The following PSG11 variants were observed in gnomAD, a reference collection of about 807,000 sequenced individuals.
The protein encoded by PSG11 is pregnancy specific beta-1-glycoprotein 11, also known as pregnancy-specific beta-1-glycoprotein 11.
Under a neutral mutation model 36.0 loss-of-function variants are expected in PSG11, and 42 were observed. The ratio of observed to expected loss-of-function variants is 1.17; its 90% CI spans 0.91 to 1.51. PSG11 has a LOEUF of 1.51. Among genes scored for constraint, PSG11 ranks in the 40% most tolerant of loss-of-function variants. The pLI is 0.00. For missense variants in PSG11, 558 were observed against 403.5 expected, an observed-to-expected ratio of 1.38 and a Z score of -3.28; for synonymous variants, 206 against 153.5, an observed-to-expected ratio of 1.34 and a Z score of -2.53.
At chr19:43,019,484 G>C (rs1967051895) in intron 2 of PSG11, 1 of 192,430 alleles carries the variant, frequency 5.2e-6, no homozygotes, top group Non-Finnish European at 1.1e-5. Flanking sequence ...ACATCCTAGA[G>C]ATGGATGATG....
chr19:43,009,253 T>C (rs1041191022), intron 5 of PSG11, among the ~76,000 whole-genome samples: 34 of 151,318 alleles, frequency 2.2e-4, no homozygotes, highest in Admixed American at 2.0e-4. Flanking sequence ...CTAAAGTCTT[T>C]GTTCTCCACG....
intron 1 of PSG11, among the ~76,000 whole-genome samples, chr19:43,025,964 T>C (rs1185216841): frequency 4.8e-5 from 6 of 125,330 alleles, no homozygotes; most frequent in Admixed American, 2.6e-4. Context: ...TTTTTTGAGA[T>C]GGAGTCTCGT....
rs1012628126 is a variant in PSG11, at chr19:43,009,501, G to A, written c.*40+457C>T. On this transcript the variant is annotated intron_variant, in intron 5 of 5. Transcript: ENST00000320078. ...AGAAGAAATGTGAACTTATCAAATA[G>A]GCTAGTGTATACCCCTGGAGATTCT... is the stretch of plus-strand genomic sequence containing the variant. Among the ~76,000 whole-genome samples, 2 of 151,198 alleles carry A rather than the reference G, an allele frequency of 1.3e-5. 1 individual carries two copies. The highest frequency in any genetic ancestry group is 4.9e-5 in the African/African-American group (2 of 40,958).
In PSG11 at chr19:43,019,001, C is replaced by A. The variant is rs1796657676; in HGVS notation, c.478G>T (p.Glu160Ter). The change falls in exon 3 of 6, where the codon GAG becomes TAG. Residue 160 changes from glutamate (E) to a stop codon, truncating the protein, a stop_gained. Coordinates refer to ENST00000320078, the MANE Select transcript of PSG11 (RefSeq NM_002785.3). LOFTEE classifies it high-confidence loss of function. ...GTTAAGATCACAGTCTCCATGGCCTCCCTGGGGTTTAAGTTGCTGCTGGAG... is the reference window on the plus strand; with the variant it reads ...GTTAAGATCACAGTCTCCATGGCCTACCTGGGGTTTAAGTTGCTGCTGGAG... ...SISSSNLNPR[E>*]AMETVILTCN... is the part of the protein sequence containing the mutation. 2 of 1,612,032 alleles carry A rather than the reference C, an allele frequency of 1.2e-6. No individual in the cohort carries two copies. Among genetic ancestry groups the A allele is most frequent in the African/African-American group, 2.7e-5 (2 of 74,468 alleles).
intron 2 of PSG11, among the ~76,000 whole-genome samples, chr19:43,021,612 C>T (rs576479828): frequency 6.6e-6 from 1 of 151,542 alleles, no homozygotes; most frequent in East Asian, 1.9e-4. Flanking sequence ...TCCCAAAGTG[C>T]TGCGATTATA....
intron 5 of PSG11, among the ~76,000 whole-genome samples, chr19:43,009,420 G>A (rs1387974877): frequency 2.0e-5 from 3 of 151,342 alleles, no homozygotes; most frequent in Admixed American, 6.6e-5. Flanking sequence ...TTCTAATTAG[G>A]ATGGAGGAAT....
rs772315428 is a variant in PSG11 at position 43,018,936 on chromosome 19, C to A, written c.543G>T (p.Trp181Cys). 3.1e-6 allele frequency: 5 copies of A among 1,612,040 alleles called. No homozygotes were observed. Among genetic ancestry groups the A allele is most frequent in the Non-Finnish European group, 4.2e-6 (5 of 1,179,152 alleles). Residue 181 changes from tryptophan to cysteine, a missense_variant, in exon 3 of 6, where the codon TGG becomes TGT. Trp to Cys is a radical substitution (Grantham distance 215). Transcript: ENST00000320078. ...PETPDASYLW[W>C]MNGQSLPMTH... The stretch of plus-strand genomic sequence containing the variant: ...TCATAGGGAGGCTCTGACCATTCAT[C>A]CACCACAGGTAGCTTGCGTCCGGAG...
intron 3 of PSG11, chr19:43,015,698 C>G (rs1016280385): frequency 2.5e-6 from 4 of 1,588,726 alleles, no homozygotes; most frequent in East Asian, 2.2e-5. Flanking sequence ...CGGAGAGAGA[C>G]TGAGAGGCCT....
intron 4 of PSG11, chr19:43,010,816 G>A (rs766640845): frequency 6.7e-6 from 1 of 150,132 alleles, no homozygotes; most frequent in African/African-American, 2.5e-5. Context: ...ATTCTTTGCA[G>A]TTAGCTCTTT....
At chr19:43,011,807 C>A (rs949321273) in intron 4 of PSG11, among the ~76,000 whole-genome samples, 65 of 150,466 alleles carry the variant, frequency 4.3e-4, no homozygotes, top group African/African-American at 1.6e-3. Context: ...AGGAGAATTG[C>A]TTGAGCCCAG....
chr19:43,011,515 A>G (rs1467509525), intron 4 of PSG11, among the ~76,000 whole-genome samples: 1 of 151,396 alleles, frequency 6.6e-6, no homozygotes, highest in Non-Finnish European at 1.5e-5. Context: ...ATTCTTCAAA[A>G]TAAAATCAAC....
At chr19:43,016,115 A>G in intron 3 of PSG11, 2 of 1,540,568 alleles carry the variant, frequency 1.3e-6, no homozygotes, top group Non-Finnish European at 1.7e-6. Context: ...TCCTTCAATC[A>G]GAGTTGGCAT....
rs1352649008 is a variant in PSG11, at chr19:43,016,014, G to A, written c.710-644C>T. 7 of 1,610,102 alleles carry A rather than the reference G, an allele frequency of 4.3e-6. No homozygotes were observed. In the East Asian group the frequency reaches 6.7e-5, roughly 15 times the overall value. ...CCTTATTCTCCCTGGGGTTTAAGTT[G>A]TTGATGGTGATGTAGGGCATGGGCA... On this transcript the variant is annotated intron_variant, in intron 3 of 5. Transcript: ENST00000320078.
chr19:43,019,228 C>G, intron 2 of PSG11, 180 bp from the exon 3 acceptor site: 1 of 1,326,300 alleles, frequency 7.5e-7, no homozygotes, highest in African/African-American at 1.5e-5. Context: ...GATTGTGAGG[C>G]TGCCTGCTTT....
intron 3 of PSG11, among the ~76,000 whole-genome samples, chr19:43,016,920 T>A (rs58857375): frequency 0.015 from 2,233 of 151,632 alleles, 129 homozygotes; most frequent in African/African-American, 0.049. Context: ...CTGGTCCTCA[T>A]GGACCATATG....
At chr19:43,009,906 A>G in intron 5 of PSG11, 52 bp downstream of exon 5, 1 of 1,380,916 alleles carries the variant, frequency 7.2e-7, no homozygotes, top group South Asian at 1.2e-5. Flanking sequence ...CCCTCTCCCA[A>G]GCATGGCAGT....
At chr19:43,015,751 G>A (rs1354222099) in intron 3 of PSG11, 3 of 1,602,098 alleles carry the variant, frequency 1.9e-6, no homozygotes, top group Non-Finnish European at 2.6e-6. Flanking sequence ...CTGGCCCACA[G>A]AGGAACAAAA....
chr19:43,014,404 T>C (rs1484316806), intron 4 of PSG11: 41 of 945,938 alleles, frequency 4.3e-5, no homozygotes, highest in Non-Finnish European at 5.2e-5. Flanking sequence ...CCACGTGCTG[T>C]GCCCACAGCC....
rs756083914 is a variant in PSG11 at position 43,016,074 on chromosome 19, C to T, written c.710-704G>A. On this transcript the variant is annotated intron_variant, in intron 3 of 5. Coordinates refer to ENST00000320078, the MANE Select transcript of PSG11 (RefSeq NM_002785.3). Reference sequence around the variant, plus strand: ...TGTGGATAACAGAGAGAAGATTGTCCTGTGTGGCACCTTTGATTCCTCCAC... The same window carrying T: ...TGTGGATAACAGAGAGAAGATTGTCTTGTGTGGCACCTTTGATTCCTCCAC... The T allele has an allele frequency of 3.8e-6, 6 of 1,585,274 alleles. No individual in the cohort carries two copies. In the African/African-American group the frequency reaches 8.2e-5, roughly 22 times the overall value.
Sources: gnomAD v4.1 joint callset for allele counts (sites outside exome capture counted in the v4.1 genomes callset) on GRCh38, gnomAD v4.1.1 for gene constraint, MANE v1.5 for transcripts, NCBI Gene and HGNC (gene_info 2026-07-23, HGNC 2026-07-21) for gene names.